RHAG: variants seen among roughly 807,000 people sequenced by gnomAD.
The protein encoded by RHAG is Rh associated glycoprotein.
In RHAG, 25 loss-of-function variants were observed where a neutral mutation model predicts 42.4. The ratio of observed to expected loss-of-function variants is 0.59; its 90% CI spans 0.43 to 0.82. The LOEUF is 0.82. Ranked by LOEUF, RHAG falls within the 40% of genes least tolerant of loss-of-function variation. The pLI is 0.00. For synonymous variants in RHAG, 182 were observed against 177.7 expected, an observed-to-expected ratio of 1.02 and a Z score of -0.19; for missense variants, 483 against 504.6, an observed-to-expected ratio of 0.96 and a Z score of 0.41.
intron 1 of RHAG, among the ~76,000 whole-genome samples, chr6:49,622,137 G>T (rs1762768538): frequency 6.6e-6 from 1 of 151,464 alleles, no homozygotes; most frequent in Non-Finnish European, 1.5e-5. Flanking sequence ...GAGGGACCTG[G>T]TAGGAGATGA....
At chr6:49,633,879 A>G (rs886610500) in intron 1 of RHAG, among the ~76,000 whole-genome samples, 1 of 152,204 alleles carries the variant, frequency 6.6e-6, no homozygotes, top group South Asian at 2.1e-4. Context: ...TTAGACATTC[A>G]GATGTGTCTG....
At chr6:49,624,404 C>T (rs1020003998) in intron 1 of RHAG, among the ~76,000 whole-genome samples, 5 of 152,084 alleles carry the variant, frequency 3.3e-5, no homozygotes, top group Non-Finnish European at 2.9e-5. Context: ...AGGGTTTCAC[C>T]ATGTTGGCCA....
chr6:49,619,388 T>A (rs762121551), intron 1 of RHAG, 26 bp from the exon 2 acceptor site: 37 of 1,599,014 alleles, frequency 2.3e-5, no homozygotes, highest in Non-Finnish European at 3.0e-5. Context: ...GGAAAAAATA[T>A]CTGCATTATG....
chr6:49,619,341 A>G lies in RHAG; in HGVS notation c.179T>C (p.Met60Thr), dbSNP rs745946393. Residue 60 changes from methionine (M) to threonine (T), a missense_variant, in exon 2 of 10, where the codon ATG becomes ACG. By Grantham distance (81) the Met-to-Thr change is moderately conservative. Coordinates refer to ENST00000371175, the MANE Select transcript of RHAG (RefSeq NM_000324.3). ...LYPLFQDVHV[M>T]IFVGFGFLMT... ...GAGGAAGCCAAACCCAACAAATATC[A>G]TAACATGTACATCTTGGAACACTGG... The G allele has an allele frequency of 1.2e-6, 2 of 1,612,626 alleles. No homozygotes were observed. Among genetic ancestry groups the G allele is most frequent in the Non-Finnish European group, 8.5e-7 (1 of 1,178,650 alleles).
In RHAG at chr6:49,619,286, G is replaced by A. The variant is rs765698136; in HGVS notation, c.234C>T (p.Ser78=). The A allele has an allele frequency of 3.7e-6, 6 of 1,614,006 alleles. 1 individual carries two copies. In the South Asian group the frequency reaches 5.5e-5, roughly 15 times the overall value. The change falls in exon 2 of 10, where the codon AGC becomes AGT. Residue 78 remains serine (S), a synonymous_variant. Transcript: ENST00000371175. ...LMTFLKKYGF[S]SVGINLLVAA... ...CAACGAGTAGGTTGATACCCACACT[G>A]CTGAAGCCATATTTCTTCAGGAAGG... is the stretch of plus-strand genomic sequence containing the variant.
At chr6:49,620,873 G>A (rs1180910612) in intron 1 of RHAG, among the ~76,000 whole-genome samples, 1 of 152,146 alleles carries the variant, frequency 6.6e-6, no homozygotes, top group Non-Finnish European at 1.5e-5. Context: ...GTGGCCAGAG[G>A]TTTAAGTGGA....
chr6:49,621,467 G>A (rs189846250), intron 1 of RHAG, among the ~76,000 whole-genome samples: 1 of 152,186 alleles, frequency 6.6e-6, no homozygotes, highest in East Asian at 1.9e-4. Context: ...CTCCTTCTCT[G>A]CCCAAATTCT....
chr6:49,633,417 A>G (rs1003633231), intron 1 of RHAG, among the ~76,000 whole-genome samples: 3 of 152,190 alleles, frequency 2.0e-5, no homozygotes, highest in Non-Finnish European at 4.4e-5. Context: ...AACTTTGTGT[A>G]AGTCAATTAT....
chr6:49,627,553 T>C (rs578082232), intron 1 of RHAG, among the ~76,000 whole-genome samples: 2 of 152,182 alleles, frequency 1.3e-5, no homozygotes, highest in Non-Finnish European at 2.9e-5. Context: ...TTTCACATTT[T>C]CGGGTATCTT....
chr6:49,625,242 A>T, intron 1 of RHAG, among the ~76,000 whole-genome samples: 1 of 152,332 alleles, frequency 6.6e-6, no homozygotes, highest in East Asian at 1.9e-4. Context: ...TTCCTACCTG[A>T]TAAACAATGC....
chr6:49,629,393 A>G (rs533062016), intron 1 of RHAG, among the ~76,000 whole-genome samples: 9 of 152,246 alleles, frequency 5.9e-5, no homozygotes, highest in Non-Finnish European at 1.0e-4. Context: ...CTTGAGCTAG[A>G]TACAGAGTGC....
At chr6:49,628,462 AGCC>A (rs1762876669) in intron 1 of RHAG, among the ~76,000 whole-genome samples, 1 of 152,108 alleles carries the variant, frequency 6.6e-6, no homozygotes, top group African/African-American at 2.4e-5. Flanking sequence ...TCAAGAATGA[AGCC>A]GCGGACCCTC....
chr6:49,615,850 G>T, intron 3 of RHAG, 79 bp from the exon 4 acceptor site: 1 of 1,405,836 alleles, frequency 7.1e-7, no homozygotes, highest in Non-Finnish European at 1.0e-6. Flanking sequence ...TGAAAGAATT[G>T]CATTGTTGGT....
chr6:49,608,569 G>T (rs1196824477), intron 7 of RHAG, among the ~76,000 whole-genome samples: 1 of 152,010 alleles, frequency 6.6e-6, no homozygotes, highest in African/African-American at 2.4e-5. Context: ...TAGAGATGGG[G>T]TTTCACCATA....
intron 1 of RHAG, among the ~76,000 whole-genome samples, chr6:49,626,007 A>G (rs1397128437): frequency 2.6e-5 from 4 of 151,996 alleles, no homozygotes; most frequent in South Asian, 2.1e-4. Flanking sequence ...CCGTGTTTCA[A>G]TTACCTCCCA....
intron 3 of RHAG, 52 bp downstream of exon 3, chr6:49,618,016 T>C: frequency 6.4e-7 from 1 of 1,561,320 alleles, no homozygotes; most frequent in Non-Finnish European, 8.8e-7. Flanking sequence ...TGTTTTTTTG[T>C]AGCCAGAACT....
At chr6:49,610,960 T>C in intron 7 of RHAG, 64 bp downstream of exon 7, 3 of 1,602,644 alleles carry the variant, frequency 1.9e-6, no homozygotes, top group East Asian at 4.5e-5. Context: ...AACTCTCCCA[T>C]TTCTCAGAGT....
intron 3 of RHAG, 65 bp from the exon 4 acceptor site, chr6:49,615,836 T>G: frequency 6.7e-7 from 1 of 1,502,118 alleles, no homozygotes; most frequent in South Asian, 1.1e-5. Context: ...GGGAGGAAAG[T>G]CAATGAAAGA....
intron 1 of RHAG, among the ~76,000 whole-genome samples, chr6:49,633,564 G>A (rs145142401): frequency 7.1e-4 from 108 of 152,196 alleles, no homozygotes; most frequent in African/African-American, 2.4e-3. Flanking sequence ...CCAGAATTTT[G>A]AGTCTTGAGA....
Sources: gnomAD v4.1 joint callset for allele counts (sites outside exome capture counted in the v4.1 genomes callset) on GRCh38, gnomAD v4.1.1 for gene constraint, MANE v1.5 for transcripts, NCBI Gene and HGNC (gene_info 2026-07-23, HGNC 2026-07-21) for gene names.